The following ATG4B variants were observed in gnomAD, a reference collection of about 807,000 sequenced individuals.
ATG4B encodes autophagy related 4B cysteine peptidase, also known as cysteine protease ATG4B.
A neutral mutation model predicts 56.6 loss-of-function variants in ATG4B; 29 were observed. The observed-to-expected ratio is 0.51, with a 90% CI of 0.38 to 0.70. ATG4B has a LOEUF of 0.70. Among genes scored for constraint, ATG4B ranks in the 30% least tolerant of loss-of-function variants. ATG4B has a pLI of 0.00. For missense variants in ATG4B, 461 were observed against 515.5 expected (o/e 0.89, Z 1.02); for synonymous variants, 224 against 206.1 (o/e 1.09, Z -0.74).
intron 7 of ATG4B, among the ~76,000 whole-genome samples, chr2:241,662,838 C>G: frequency 6.7e-6 from 1 of 149,738 alleles, no homozygotes; most frequent in South Asian, 2.1e-4. Flanking sequence ...ACTTCAAAAC[C>G]AATAAAGTGG....
intron 3 of ATG4B, among the ~76,000 whole-genome samples, chr2:241,652,892 G>A (rs907258439): frequency 1.3e-5 from 2 of 152,236 alleles, no homozygotes; most frequent in African/African-American, 4.8e-5. Context: ...CAGCCACCTA[G>A]CAGCCTCTTG....
At chr2:241,657,288 TTC>T (rs1220263871) in intron 6 of ATG4B, among the ~76,000 whole-genome samples, 3 of 140,658 alleles carry the variant, frequency 2.1e-5, no homozygotes, top group Admixed American at 7.1e-5. Flanking sequence ...ACTCCTCTCT[TTC>T]TTTTTTTTTT....
At chr2:241,644,003 G>A (rs774462383) in intron 1 of ATG4B, among the ~76,000 whole-genome samples, 3 of 152,160 alleles carry the variant, frequency 2.0e-5, no homozygotes, top group East Asian at 3.8e-4. Context: ...TCTCCATGGC[G>A]AATTGCTGAG....
chr2:241,653,992 A>G (rs1302865191), intron 4 of ATG4B, among the ~76,000 whole-genome samples: 1 of 126,660 alleles, frequency 7.9e-6, no homozygotes, highest in African/African-American at 3.6e-5. Flanking sequence ...CCCTATCTGA[A>G]AAAAAAAAAA....
At chr2:241,638,521 C>T (rs894351257) in intron 1 of ATG4B, among the ~76,000 whole-genome samples, 5 of 152,186 alleles carry the variant, frequency 3.3e-5, no homozygotes, top group African/African-American at 9.7e-5. Flanking sequence ...AGTTTTAGCT[C>T]ATTCATTCTT....
At chr2:241,649,179 G>T (rs184460750) in intron 1 of ATG4B, among the ~76,000 whole-genome samples, 48 of 152,364 alleles carry the variant, frequency 3.2e-4, no homozygotes, top group African/African-American at 1.1e-3. Context: ...CAAGGGGATT[G>T]TGCACAGCAC....
chr2:241,668,799 T>C lies in ATG4B; in HGVS notation c.957+114T>C. ...TTTTTCAGCATGTTGGGATAAGTAC[T>C]GTGTTCACGTGGTTGGGAATCTGAA... On this transcript the variant is annotated intron_variant, in intron 10 of 12. Coordinates refer to ENST00000404914, the MANE Select transcript of ATG4B (RefSeq NM_013325.5). This position sits in a 1 kb window ranked among gnomAD's most constrained non-coding sequence, Gnocchi z 4.2. 5.6e-6 allele frequency: 8 copies of C among 1,425,598 alleles called. No homozygotes were observed. The highest frequency in any genetic ancestry group is 5.6e-6 in the Non-Finnish European group (6 of 1,067,394). The allele number at this position is 1,425,598 out of a possible 1,614,324, so 88.3% of individuals were successfully genotyped here. A position where few individuals can be genotyped will look rare whatever the true frequency, so the allele number is the denominator to read the frequency against.
intron 4 of ATG4B, among the ~76,000 whole-genome samples, chr2:241,653,824 C>T (rs1308898709): frequency 6.6e-6 from 1 of 151,988 alleles, no homozygotes; most frequent in African/African-American, 2.4e-5. Flanking sequence ...GAGACCCCGT[C>T]TCACAAAAAA....
chr2:241,650,932 A>G (rs899512101), intron 1 of ATG4B, 78 bp from the exon 2 acceptor site: 23 of 1,198,426 alleles, frequency 1.9e-5, no homozygotes, highest in Non-Finnish European at 2.6e-5. Context: ...CAGCACAGAA[A>G]TGCTGTAAAT....
At chr2:241,650,467 A>G (rs1162394789) in intron 1 of ATG4B, among the ~76,000 whole-genome samples, 1 of 152,008 alleles carries the variant, frequency 6.6e-6, no homozygotes, top group Non-Finnish European at 1.5e-5. Context: ...CCTTCATCAC[A>G]GTGACTCTGA....
chr2:241,655,228 T>C, intron 5 of ATG4B, 43 bp from the exon 6 acceptor site: 1 of 1,577,978 alleles, frequency 6.3e-7, no homozygotes, highest in Non-Finnish European at 8.6e-7. Context: ...AGGTCAGGGC[T>C]GGGGGCGGGT....
chr2:241,639,820 T>C (rs929645806), intron 1 of ATG4B, among the ~76,000 whole-genome samples: 1 of 152,068 alleles, frequency 6.6e-6, no homozygotes, highest in Non-Finnish European at 1.5e-5. Context: ...ATAAACCAAT[T>C]AGAGAAAAGT....
rs774308442 is a variant in ATG4B, at chr2:241,668,584, G to A, written c.856G>A (p.Val286Met). Residue 286 changes from valine to methionine, a missense_variant, in exon 10 of 13, where the codon GTG (valine) becomes ATG (methionine). Physicochemically the swap from Val to Met is conservative, Grantham distance 21. Transcript: ENST00000404914. The surrounding 1 kb of genome is among the most constrained non-coding windows in gnomAD (Gnocchi z 4.2). ...GGACCCCCACACCACGCAGCCAGCC[G>A]TGGAGCCCACTGATGGCTGCTTCAT... ...YLDPHTTQPA[V>M]EPTDGCFIPD... 7 of 1,607,328 alleles carry A rather than the reference G, an allele frequency of 4.4e-6. No homozygotes were observed. The highest frequency in any genetic ancestry group is 2.2e-5 in the South Asian group (2 of 89,900).
chr2:241,646,185 A>G (rs546219002), intron 1 of ATG4B, among the ~76,000 whole-genome samples: 10 of 152,340 alleles, frequency 6.6e-5, no homozygotes, highest in African/African-American at 2.4e-4. Flanking sequence ...TGATAAACCT[A>G]AGAAATACAC....
At chr2:241,653,692 G>C in intron 4 of ATG4B, 82 bp downstream of exon 4, 1 of 1,240,980 alleles carries the variant, frequency 8.1e-7, no homozygotes, top group East Asian at 2.5e-5. Flanking sequence ...GCTCTTTAGA[G>C]CAGACCACAG....
chr2:241,654,322 G>A (rs1047676725), intron 4 of ATG4B, among the ~76,000 whole-genome samples: 1 of 150,696 alleles, frequency 6.6e-6, no homozygotes, highest in South Asian at 2.1e-4. Context: ...TCGGGAGGCT[G>A]AAGCAGGAGA....
Position 241,655,355 on chromosome 2 carries a change from G to A in ATG4B, c.458+12G>A, listed in dbSNP as rs747511571. On this transcript the variant is annotated intron_variant, in intron 6 of 12. Transcript: ENST00000404914. ...GCCCAGGTCCTGAAGTATGTACTGCGCTTCCACTGCTGAGCATGGGGCAGC... is the reference window on the plus strand; with the variant it reads ...GCCCAGGTCCTGAAGTATGTACTGCACTTCCACTGCTGAGCATGGGGCAGC... 1.6e-5 allele frequency: 26 copies of A among 1,600,632 alleles called. No homozygotes were observed. The East Asian group carries it at 2.3e-4, about 14-fold the overall frequency.
intron 1 of ATG4B, among the ~76,000 whole-genome samples, chr2:241,638,570 C>T (rs1386529863): frequency 2.0e-5 from 3 of 152,212 alleles, no homozygotes; most frequent in African/African-American, 7.2e-5. Context: ...TATCCCCCAT[C>T]TGTAAAGAAA....
rs147512539 is a variant in ATG4B at position 241,665,115 on chromosome 2, G to C, written c.539-1530G>C. 1.1e-3 allele frequency among the ~76,000 whole-genome samples: 167 copies of C among 152,290 alleles called. 1 individual carries two copies. The highest frequency in any genetic ancestry group is 3.7e-3 in the African/African-American group (155 of 41,572). On this transcript the variant is annotated intron_variant, in intron 7 of 12. Transcript: ENST00000404914. Reference sequence around the variant, plus strand: ...AGCCTGGGTGACAGAGTGAGACCCCGTCTCTAAAAGAAATTTAAAAAGTTC... The same window carrying C: ...AGCCTGGGTGACAGAGTGAGACCCCCTCTCTAAAAGAAATTTAAAAAGTTC...
Sources: gnomAD v4.1 joint callset for allele counts (sites outside exome capture counted in the v4.1 genomes callset) on GRCh38, gnomAD v4.1.1 for gene constraint, Gnocchi (gnomAD v3.1) non-coding constraint, MANE v1.5 for transcripts, NCBI Gene and HGNC (gene_info 2026-07-23, HGNC 2026-07-21) for gene names.